The following ARHGEF28 variants were observed in gnomAD, a reference collection of about 807,000 sequenced individuals.
The protein encoded by ARHGEF28 is Rho guanine nucleotide exchange factor 28.
ARHGEF28 carries 152 observed loss-of-function variants against 206.6 expected under a neutral mutation model. The ratio of observed to expected loss-of-function variants is 0.74; its 90% CI spans 0.64 to 0.84. The LOEUF is 0.84. ARHGEF28 is among the 40% of genes least tolerant of loss of function. The pLI is 0.00. For synonymous variants in ARHGEF28, 763 were observed against 776.4 expected (o/e 0.98, Z 0.29); for missense variants, 2,028 against 2,073.2 (o/e 0.98, Z 0.42).
chr5:73,855,034 A>C (rs1261458706), intron 14 of ARHGEF28, among the ~76,000 whole-genome samples: 1 of 152,220 alleles, frequency 6.6e-6, no homozygotes, highest in African/African-American at 2.4e-5. Context: ...GCTATCGGTC[A>C]TCAAACTAAT....
At chr5:73,630,979 A>G (rs1197512416) in intron 1 of ARHGEF28, among the ~76,000 whole-genome samples, 4 of 152,216 alleles carry the variant, frequency 2.6e-5, no homozygotes, top group African/African-American at 9.6e-5. Flanking sequence ...CATCAGGTTT[A>G]AATGACTTGG....
chr5:73,854,911 T>TA (rs1450711983), intron 14 of ARHGEF28, among the ~76,000 whole-genome samples: 1 of 152,124 alleles, frequency 6.6e-6, no homozygotes, highest in Non-Finnish European at 1.5e-5. Context: ...GATTAAGGGT[T>TA]AAAATATTAA....
chr5:73,910,943 T>G (rs552727198), intron 34 of ARHGEF28, among the ~76,000 whole-genome samples: 8 of 152,364 alleles, frequency 5.3e-5, no homozygotes, highest in African/African-American at 1.9e-4. Context: ...TGCAAACTCC[T>G]CATGTATATA....
At chr5:73,874,159 TCTA>T (rs1760285993) in intron 22 of ARHGEF28, among the ~76,000 whole-genome samples, 1 of 152,216 alleles carries the variant, frequency 6.6e-6, no homozygotes, top group South Asian at 2.1e-4. Flanking sequence ...TTATTTGCCA[TCTA>T]TATATCCCTT....
Position 73,749,995 on chromosome 5 carries a change from C to G in ARHGEF28, c.181+11C>G. On this transcript the variant is annotated intron_variant, in intron 3 of 35. Coordinates refer to ENST00000513042, the MANE Select transcript of ARHGEF28 (RefSeq NM_001177693.2). ...AGTCCAGCGTCCCAGGTGAGGTGTC[C>G]TCTTTGTTGTGCAGCTGGGAAATTA... 6.2e-7 allele frequency: 1 copy of G among 1,612,862 alleles called. No homozygotes were observed. Among genetic ancestry groups the G allele is most frequent in the Non-Finnish European group, 8.5e-7 (1 of 1,179,456 alleles).
intron 1 of ARHGEF28, among the ~76,000 whole-genome samples, chr5:73,635,560 T>C (rs958198030): frequency 8.5e-5 from 13 of 152,188 alleles, no homozygotes; most frequent in African/African-American, 2.4e-4. Flanking sequence ...TGGCTATTTA[T>C]AAAGCTTGGT....
At chr5:73,813,537 G>C (rs1396576699) in intron 9 of ARHGEF28, 1 of 1,532,000 alleles carries the variant, frequency 6.5e-7, no homozygotes, top group Non-Finnish European at 8.7e-7. Context: ...GACGCCCCGA[G>C]TTCTTCCTGA....
chr5:73,661,286 G>A (rs1745584397), intron 1 of ARHGEF28, among the ~76,000 whole-genome samples: 1 of 152,028 alleles, frequency 6.6e-6, no homozygotes, highest in Non-Finnish European at 1.5e-5. Context: ...ACCTCTCTTA[G>A]CCTTCATACA....
In ARHGEF28 at chr5:73,902,317, T is replaced by C. The variant is rs545991509; in HGVS notation, c.4074+1033T>C. On this transcript the variant is annotated intron_variant, in intron 31 of 35. Coordinates refer to ENST00000513042, the MANE Select transcript of ARHGEF28 (RefSeq NM_001177693.2). ...AAAATGTTCCTGCTTTTCATCACTTTTAAGTGTGAAGTTTGTGGTGTCCAA... is the reference window on the plus strand; with the variant it reads ...AAAATGTTCCTGCTTTTCATCACTTCTAAGTGTGAAGTTTGTGGTGTCCAA... The C allele has an allele frequency of 3.3e-5, 5 of 152,302 alleles. No homozygotes were observed. In the South Asian group the frequency reaches 1.0e-3, roughly 32 times the overall value. The allele number at this position is 152,302 out of a possible 1,614,324, so 9.4% of individuals were successfully genotyped here. A position where few individuals can be genotyped will look rare whatever the true frequency, so the allele number is the denominator to read the frequency against.
intron 9 of ARHGEF28, among the ~76,000 whole-genome samples, chr5:73,824,134 C>A (rs1756755532): frequency 1.3e-5 from 2 of 152,164 alleles, no homozygotes; most frequent in African/African-American, 4.8e-5. Flanking sequence ...CTTTGCATAT[C>A]TGCCTGATCA....
At chr5:73,792,949 G>T (rs1754571357) in intron 7 of ARHGEF28, among the ~76,000 whole-genome samples, 1 of 152,140 alleles carries the variant, frequency 6.6e-6, no homozygotes, top group African/African-American at 2.4e-5. Context: ...CCTTCTGTGG[G>T]ATGTGCATTT....
intron 9 of ARHGEF28, among the ~76,000 whole-genome samples, chr5:73,795,755 C>T (rs867220455): frequency 2.6e-5 from 4 of 152,214 alleles, no homozygotes; most frequent in South Asian, 2.1e-4. Flanking sequence ...ATGGTGGAAC[C>T]GAGACTCATA....
At chr5:73,897,132 C>A (rs973246820) in intron 29 of ARHGEF28, among the ~76,000 whole-genome samples, 10 of 152,228 alleles carry the variant, frequency 6.6e-5, no homozygotes, top group African/African-American at 2.4e-4. Context: ...TGAAACCCAT[C>A]CATCCTTCCA....
intron 29 of ARHGEF28, among the ~76,000 whole-genome samples, chr5:73,894,816 G>T (rs556267711): frequency 6.6e-6 from 1 of 152,294 alleles, no homozygotes; most frequent in South Asian, 2.1e-4. Flanking sequence ...GATGGAGTTG[G>T]GATCGCTCTG....
chr5:73,833,380 A>C (rs911383950), intron 10 of ARHGEF28, among the ~76,000 whole-genome samples: 2 of 152,144 alleles, frequency 1.3e-5, no homozygotes, highest in African/African-American at 4.8e-5. Context: ...TCTAGAGCTC[A>C]ATTTCAGCCC....
chr5:73,669,393 T>TG (rs1256368800), intron 1 of ARHGEF28, among the ~76,000 whole-genome samples: 1 of 152,196 alleles, frequency 6.6e-6, no homozygotes, highest in East Asian at 1.9e-4. Context: ...TAGACCCACA[T>TG]GCAGTTGTAA....
intron 29 of ARHGEF28, among the ~76,000 whole-genome samples, chr5:73,897,307 G>A (rs768146657): frequency 2.2e-4 from 33 of 152,190 alleles, no homozygotes; most frequent in Non-Finnish European, 4.0e-4. Flanking sequence ...GGTTGTGTAT[G>A]TCTCTTTCCT....
intron 9 of ARHGEF28, among the ~76,000 whole-genome samples, chr5:73,807,218 G>A (rs1755565168): frequency 6.6e-6 from 1 of 151,868 alleles, no homozygotes; most frequent in African/African-American, 2.4e-5. Flanking sequence ...TCTTGCTTCT[G>A]CCACCTCCAG....
intron 4 of ARHGEF28, among the ~76,000 whole-genome samples, chr5:73,764,413 A>G (rs1208462297): frequency 6.6e-6 from 1 of 152,232 alleles, no homozygotes; most frequent in Non-Finnish European, 1.5e-5. Flanking sequence ...GTTGCAACTG[A>G]TTTAGTATTC....
Sources: gnomAD v4.1 joint callset for allele counts (sites outside exome capture counted in the v4.1 genomes callset) on GRCh38, gnomAD v4.1.1 for gene constraint, MANE v1.5 for transcripts, NCBI Gene and HGNC (gene_info 2026-07-23, HGNC 2026-07-21) for gene names.